STK32B: variants seen among roughly 807,000 people sequenced by gnomAD.
STK32B encodes serine/threonine kinase 32B.
In STK32B, 43 loss-of-function variants were observed where a neutral mutation model predicts 52.6. The ratio of observed to expected loss-of-function variants is 0.82; its 90% CI spans 0.64 to 1.05. The LOEUF is 1.05. Ranked by LOEUF, STK32B falls within the 50% of genes least tolerant of loss-of-function variation. The pLI, the probability that STK32B is intolerant of heterozygous loss-of-function variation, is 0.00. For synonymous variants in STK32B, 238 were observed against 204.3 expected, an observed-to-expected ratio of 1.17 and a Z score of -1.41; for missense variants, 621 against 534.6, an observed-to-expected ratio of 1.16 and a Z score of -1.59.
chr4:5,266,199 C>CCA, intron 3 of STK32B, among the ~76,000 whole-genome samples: 1 of 152,186 alleles, frequency 6.6e-6, no homozygotes, highest in East Asian at 1.9e-4. Flanking sequence ...AACAGCATCA[C>CCA]CATCATTCGG....
intron 3 of STK32B, among the ~76,000 whole-genome samples, chr4:5,208,557 T>G (rs536537927): frequency 3.3e-4 from 50 of 152,304 alleles, no homozygotes; most frequent in African/African-American, 1.1e-3. Flanking sequence ...ACTAAATGAC[T>G]TTATTAACAT....
chr4:5,336,085 C>G (rs1223835494), intron 4 of STK32B, among the ~76,000 whole-genome samples: 1 of 149,260 alleles, frequency 6.7e-6, no homozygotes, highest in Non-Finnish European at 1.5e-5. Context: ...GACATCAAGC[C>G]TGCCTGGGTT....
intron 3 of STK32B, among the ~76,000 whole-genome samples, chr4:5,215,158 A>G (rs11734549): frequency 0.59 from 89,144 of 152,126 alleles, 28,762 homozygotes; most frequent in East Asian, 0.79. Flanking sequence ...AAAAATATGT[A>G]GAATCCTTTC....
At chr4:5,406,762 CCT>C (rs1737709585) in intron 5 of STK32B, among the ~76,000 whole-genome samples, 1 of 152,146 alleles carries the variant, frequency 6.6e-6, no homozygotes, top group Non-Finnish European at 1.5e-5. Flanking sequence ...GCAGCAGAGC[CCT>C]GGACCTGGCA....
In STK32B at chr4:5,495,552, G is replaced by T. The variant is rs1011850894; in HGVS notation, c.1107-3393G>T. On this transcript the variant is annotated intron_variant, in intron 11 of 11. Transcript: ENST00000282908. ...TCCTGTAGCTCGCAGTAGCTTGATC[G>T]TCTGAAGCCTTCTTCTCTCAACTCG... Among the ~76,000 whole-genome samples, 5 of 152,042 alleles carry T rather than the reference G, an allele frequency of 3.3e-5. No homozygotes were observed. In the South Asian group the frequency reaches 6.2e-4, roughly 19 times the overall value.
Position 5,051,918 on chromosome 4 carries a change from A to G in STK32B, c.52+3A>G. The G allele has an allele frequency of 6.3e-7, 1 of 1,594,032 alleles. No homozygotes were observed. Among genetic ancestry groups the G allele is most frequent in the Non-Finnish European group, 8.5e-7 (1 of 1,170,720 alleles). ...CGTGTTTGACGAGAATGAGGAAGGT[A>G]AGAGAGCGAGAGGTGCGAATTCCCG... On this transcript the variant is annotated splice_donor_region_variant and intron_variant, in intron 1 of 11. Transcript: ENST00000282908.
rs77393893 is a variant in STK32B, at chr4:5,349,092, C to T, written c.434+17699C>T. ...CCCATCATTCATGTCATGCCTGCTA[C>T]TCAGGAGCTTGAGAACCCACCAAAC... On this transcript the variant is annotated intron_variant, in intron 4 of 11. Coordinates refer to ENST00000282908, the MANE Select transcript of STK32B (RefSeq NM_018401.3). 3.5e-3 allele frequency among the ~76,000 whole-genome samples: 486 copies of T among 138,886 alleles called. 1 individual carries two copies. Among genetic ancestry groups the T allele is most frequent in the African/African-American group, 0.014 (462 of 34,206 alleles). The allele number at this position is 138,886 out of a possible 152,430, so 91.1% of individuals were successfully genotyped here.
intron 3 of STK32B, among the ~76,000 whole-genome samples, chr4:5,233,739 G>A (rs776972998): frequency 2.0e-4 from 31 of 151,440 alleles, no homozygotes; most frequent in Admixed American, 1.3e-3. Flanking sequence ...TCACACATGC[G>A]GGAGGAGGGA....
At chr4:5,391,509 G>C (rs75223643) in intron 4 of STK32B, among the ~76,000 whole-genome samples, 12 of 152,344 alleles carry the variant, frequency 7.9e-5, no homozygotes, top group African/African-American at 2.9e-4. Context: ...TATCCCAGGA[G>C]AAGATTGCAA....
intron 3 of STK32B, among the ~76,000 whole-genome samples, chr4:5,235,552 A>G (rs1472031841): frequency 1.3e-5 from 2 of 152,206 alleles, no homozygotes; most frequent in African/African-American, 4.8e-5. Flanking sequence ...AGGATTTCAG[A>G]TAATAGAAAG....
chr4:5,488,438 T>C (rs1719413118), intron 11 of STK32B, among the ~76,000 whole-genome samples: 1 of 151,700 alleles, frequency 6.6e-6, no homozygotes. Context: ...TATTTAAATA[T>C]AGGGAACTTT....
At chr4:5,155,948 T>C (rs1194776050) in intron 2 of STK32B, among the ~76,000 whole-genome samples, 1 of 152,064 alleles carries the variant, frequency 6.6e-6, no homozygotes, top group African/African-American at 2.4e-5. Flanking sequence ...CACGTGCATA[T>C]ACATATACAT....
At chr4:5,349,083 T>C (rs199702427) in intron 4 of STK32B, among the ~76,000 whole-genome samples, 1 of 111,960 alleles carries the variant, frequency 8.9e-6, no homozygotes, top group African/African-American at 4.7e-5. Flanking sequence ...ATTCATGTCA[T>C]GCCTGCTACT....
In STK32B at chr4:5,386,174, G is replaced by C. The variant is rs1018769424; in HGVS notation, c.435-12033G>C. 6.6e-6 allele frequency among the ~76,000 whole-genome samples: 1 copy of C among 151,810 alleles called. No individual in the cohort carries two copies. The highest frequency in any genetic ancestry group is 2.4e-5 in the African/African-American group (1 of 41,288). On this transcript the variant is annotated intron_variant, in intron 4 of 11. Coordinates refer to ENST00000282908, the MANE Select transcript of STK32B (RefSeq NM_018401.3). The surrounding 1 kb of genome is among the most constrained non-coding windows in gnomAD (Gnocchi z 4.5). The stretch of plus-strand genomic sequence containing the variant: ...CTCCCTGGACTCTTCCCAGCCGTCT[G>C]TCTCTCACACAGCACCCTCACTCTC...
At chr4:5,242,695 G>T (rs1384365858) in intron 3 of STK32B, among the ~76,000 whole-genome samples, 3 of 152,086 alleles carry the variant, frequency 2.0e-5, no homozygotes, top group African/African-American at 7.2e-5. Flanking sequence ...TTCTTCTAGG[G>T]TTTTTATGGT....
At chr4:5,284,106 G>A (rs1027908047) in intron 3 of STK32B, among the ~76,000 whole-genome samples, 1 of 152,046 alleles carries the variant, frequency 6.6e-6, no homozygotes, top group African/African-American at 2.4e-5. Context: ...GGGAGAGGGA[G>A]TGAATGCATA....
At chr4:5,223,197 T>A (rs549381178) in intron 3 of STK32B, among the ~76,000 whole-genome samples, 1 of 152,262 alleles carries the variant, frequency 6.6e-6, no homozygotes, top group South Asian at 2.1e-4. Flanking sequence ...ATTCTGCAGG[T>A]TTGCAGAGTG....
intron 1 of STK32B, among the ~76,000 whole-genome samples, chr4:5,066,434 T>TA (rs1293440849): frequency 4.6e-5 from 7 of 152,260 alleles, no homozygotes; most frequent in Middle Eastern, 3.4e-3. Flanking sequence ...AGCTAGAAAA[T>TA]AGCTTCAAAT....
chr4:5,309,114 G>A (rs1045195001), intron 3 of STK32B, among the ~76,000 whole-genome samples: 1 of 151,538 alleles, frequency 6.6e-6, no homozygotes, highest in Non-Finnish European at 1.5e-5. Flanking sequence ...AAAACTAGTG[G>A]GAAAAGAAAT....
Sources: gnomAD v4.1 joint callset for allele counts (sites outside exome capture counted in the v4.1 genomes callset) on GRCh38, gnomAD v4.1.1 for gene constraint, Gnocchi (gnomAD v3.1) non-coding constraint, MANE v1.5 for transcripts, NCBI Gene and HGNC (gene_info 2026-07-23, HGNC 2026-07-21) for gene names.